The following PVT1 variants were observed in gnomAD, a reference collection of about 807,000 sequenced individuals.
The protein encoded by PVT1 is CXCR4/PVT1 fusion.
At chr8:127,995,861 A>G (rs1367650737) in intron 4 of PVT1, among the ~76,000 whole-genome samples, 2 of 152,180 alleles carry the variant, frequency 1.3e-5, no homozygotes, top group African/African-American at 4.8e-5. Flanking sequence ...ACGTATGTGA[A>G]GCGCATATTG....
intron 4 of PVT1, among the ~76,000 whole-genome samples, chr8:128,063,783 C>T (rs1202570368): frequency 2.0e-5 from 3 of 151,970 alleles, no homozygotes; most frequent in South Asian, 2.1e-4. Flanking sequence ...TTCAAGAAGT[C>T]GATTTTGACT....
chr8:128,017,259 T>C (rs574689765), intron 4 of PVT1, among the ~76,000 whole-genome samples: 87 of 152,202 alleles, frequency 5.7e-4, no homozygotes, highest in African/African-American at 2.1e-3. Flanking sequence ...ACTTTGCCTC[T>C]GAATGTCTCC....
chr8:127,885,202 A>G lies in PVT1; in HGVS notation n.373-5387A>G, dbSNP rs566348383. Among the ~76,000 whole-genome samples the G allele has an allele frequency of 1.8e-4, 27 of 152,120 alleles. No individual in the cohort carries two copies. In the South Asian group the frequency reaches 5.2e-3, roughly 29 times the overall value. ...TAGGAGCCGAGGAGTGAGTGTGTGC[A>G]GTCCTGGAGTCACTGCTGTGGGGTG... On this transcript the variant is annotated intron_variant and non_coding_transcript_variant, in intron 2 of 10. Coordinates refer to ENST00000651587, the Ensembl canonical transcript of PVT1.
intron 3 of PVT1, among the ~76,000 whole-genome samples, chr8:127,936,943 G>T (rs1011938379): frequency 6.6e-6 from 1 of 152,240 alleles, no homozygotes; most frequent in Non-Finnish European, 1.5e-5. Flanking sequence ...GCATAACTGT[G>T]TATGTTCACA....
chr8:127,811,765 A>G (rs894602250), intron 2 of PVT1, among the ~76,000 whole-genome samples: 3 of 151,772 alleles, frequency 2.0e-5, no homozygotes, highest in African/African-American at 7.3e-5. Flanking sequence ...GTTCTTTTGT[A>G]TCTGGCCGGT....
chr8:127,989,035 T>A (rs541967451), intron 3 of PVT1: 8 of 152,388 alleles, frequency 5.2e-5, no homozygotes, highest in African/African-American at 1.9e-4. Context: ...TCTTCTCTTC[T>A]TGTGCTCCTC....
At chr8:127,804,505 G>A (rs1022940167) in intron 2 of PVT1, among the ~76,000 whole-genome samples, 1 of 140,650 alleles carries the variant, frequency 7.1e-6, no homozygotes, top group Non-Finnish European at 1.6e-5. Flanking sequence ...TTATTTTTTT[G>A]TATTATAATC....
At chr8:127,997,053 T>TTG (rs1554603125) in intron 4 of PVT1, among the ~76,000 whole-genome samples, 9 of 134,200 alleles carry the variant, frequency 6.7e-5, no homozygotes, top group African/African-American at 2.2e-4. Flanking sequence ...CGTTTTTTTT[T>TTG]TTTGTTTGTT....
intron 2 of PVT1, among the ~76,000 whole-genome samples, chr8:127,828,737 C>G (rs1349755503): frequency 6.6e-6 from 1 of 152,028 alleles, no homozygotes; most frequent in Non-Finnish European, 1.5e-5. Context: ...CAGGTCCGCC[C>G]CCCCAGACTC....
At chr8:128,076,677 A>G (rs1814094706) in intron 5 of PVT1, among the ~76,000 whole-genome samples, 1 of 152,188 alleles carries the variant, frequency 6.6e-6, no homozygotes, top group South Asian at 2.1e-4. Flanking sequence ...TGAGCCAGGT[A>G]TCCACTAAAA....
intron 4 of PVT1, among the ~76,000 whole-genome samples, chr8:128,044,017 T>TTA (rs1554606746): frequency 1.8e-4 from 11 of 62,408 alleles, no homozygotes; most frequent in South Asian, 5.7e-4. Flanking sequence ...ATTTATTTAT[T>TTA]TTTTTTTTTT....
rs553081704 is a variant in PVT1 at position 127,877,878 on chromosome 8, A to G, written n.373-12711A>G. 3.3e-3 allele frequency among the ~76,000 whole-genome samples: 495 copies of G among 152,214 alleles called. 1 individual carries two copies. The highest frequency in any genetic ancestry group is 0.021 in the South Asian group (100 of 4,804). The stretch of plus-strand genomic sequence containing the variant: ...GAGTTTGAGGCTGCAGTGAGCCATG[A>G]TCACGCCACTGCACTCCAGCCTGGG... On this transcript the variant is annotated intron_variant and non_coding_transcript_variant, in intron 2 of 10. Transcript: ENST00000651587.
chr8:127,984,837 TTTTCTTTCTTTC>T (rs71300287), intron 3 of PVT1, among the ~76,000 whole-genome samples: 5,620 of 80,340 alleles, frequency 0.07, 417 homozygotes, highest in Middle Eastern at 0.078. Flanking sequence ...CTTTCTTTTC[TTTTCTTTCTTTC>T]TTTCTTTCTT....
chr8:127,940,774 G>A (rs892330808), intron 3 of PVT1, among the ~76,000 whole-genome samples: 3 of 152,032 alleles, frequency 2.0e-5, no homozygotes, highest in Non-Finnish European at 4.4e-5. Flanking sequence ...CTAATTTTTT[G>A]TATTTTTTGT....
At chr8:127,890,581 T>G (rs1815588553) in intron 2 of PVT1, 1 of 152,292 alleles carries the variant, frequency 6.6e-6, no homozygotes, top group Admixed American at 6.5e-5. Context: ...TCTTCTTCCC[T>G]GTTGCAGGCC....
chr8:127,983,206 A>G (rs1428046446), intron 3 of PVT1, among the ~76,000 whole-genome samples: 2 of 152,078 alleles, frequency 1.3e-5, no homozygotes, highest in African/African-American at 2.4e-5. Flanking sequence ...GATGTGGCCT[A>G]ATTATTTCCT....
chr8:128,044,194 C>T (rs1813584479), intron 4 of PVT1, among the ~76,000 whole-genome samples: 1 of 144,536 alleles, frequency 6.9e-6, no homozygotes, highest in Non-Finnish European at 1.5e-5. Context: ...TCTATGCAGA[C>T]AGCACCCACC....
chr8:128,040,097 C>CA (rs775336663), intron 4 of PVT1, among the ~76,000 whole-genome samples: 50 of 152,286 alleles, frequency 3.3e-4, no homozygotes, highest in Non-Finnish European at 5.6e-4. Flanking sequence ...AGTAAGGAGG[C>CA]AGCTGCATGT....
chr8:127,823,575 T>C (rs1334665265), intron 2 of PVT1, among the ~76,000 whole-genome samples: 1 of 152,142 alleles, frequency 6.6e-6, no homozygotes, highest in East Asian at 1.9e-4. Context: ...TTGCTCCTTG[T>C]CTGTTGACTT....
Sources: allele counts gnomAD v4.1 joint callset (sites outside exome capture counted in the v4.1 genomes callset), GRCh38; gene constraint gnomAD v4.1.1; transcripts MANE v1.5; gene names NCBI Gene and HGNC (gene_info 2026-07-23, HGNC 2026-07-21).